Variants in FAM117A observed in about 807,000 individuals in gnomAD.
FAM117A encodes family with sequence similarity 117 member A.
A neutral mutation model predicts 44.1 loss-of-function variants in FAM117A; 21 were observed. The observed-to-expected ratio is 0.48, with a 90% CI of 0.34 to 0.69. FAM117A has a LOEUF of 0.69. Among genes scored for constraint, FAM117A ranks in the 30% least tolerant of loss-of-function variants. The pLI, the probability that FAM117A is intolerant of heterozygous loss-of-function variation, is 0.01. For synonymous variants in FAM117A, 220 were observed against 238.3 expected, an observed-to-expected ratio of 0.92 and a Z score of 0.71; for missense variants, 498 against 589.9, an observed-to-expected ratio of 0.84 and a Z score of 1.61.
chr17:49,721,095 C>A (rs1258618358), intron 3 of FAM117A, among the ~76,000 whole-genome samples: 1 of 152,158 alleles, frequency 6.6e-6, no homozygotes, highest in Non-Finnish European at 1.5e-5. Context: ...ATCTTAGAGG[C>A]CCTGAGACCA....
At chr17:49,751,495 G>A (rs1023980282) in intron 1 of FAM117A, among the ~76,000 whole-genome samples, 4 of 151,862 alleles carry the variant, frequency 2.6e-5, no homozygotes, top group Admixed American at 1.3e-4. Flanking sequence ...CAGGAGAATC[G>A]CTTGAACCAG....
chr17:49,758,146 T>C (rs754207629), intron 1 of FAM117A, among the ~76,000 whole-genome samples: 5 of 151,422 alleles, frequency 3.3e-5, no homozygotes, highest in Non-Finnish European at 7.4e-5. Context: ...CTGGCCAACA[T>C]GGTGAAACCC....
intron 5 of FAM117A, among the ~76,000 whole-genome samples, chr17:49,719,392 A>T (rs1184745785): frequency 6.6e-6 from 1 of 152,184 alleles, no homozygotes; most frequent in African/African-American, 2.4e-5. Context: ...GTAGAGATGG[A>T]GAAGGGGCAG....
At chr17:49,788,710 A>G, upstream of FAM117A, 1 of 1,023,510 alleles carries the variant, frequency 9.8e-7, no homozygotes. Context: ...GAGAGGCAGG[A>G]GGCACTAGGG....
chr17:49,729,325 T>C (rs2073574352), intron 2 of FAM117A, among the ~76,000 whole-genome samples: 2 of 151,878 alleles, frequency 1.3e-5, no homozygotes, highest in Non-Finnish European at 2.9e-5. Context: ...TGGCTCTTGG[T>C]GGAGGGAGGT....
At chr17:49,784,026 G>A (rs1397013285) in intron 1 of FAM117A, among the ~76,000 whole-genome samples, 2 of 152,246 alleles carry the variant, frequency 1.3e-5, no homozygotes, top group Non-Finnish European at 2.9e-5. Context: ...CCTTTTGGGT[G>A]CCAGTCAGCA....
rs1567825732 is a variant in FAM117A at position 49,717,628 on chromosome 17, G to A, written c.795C>T (p.Gly265=). The part of the protein sequence containing the change: ...CDHPLLLLEP[G]NLASSPSMSL... Reference sequence around the variant, plus strand: ...ACATGGAAGGAGAGCTGGCAAGGTTGCCAGGCTCCAGGAGGAGGAGGGGAT... The same window carrying A: ...ACATGGAAGGAGAGCTGGCAAGGTTACCAGGCTCCAGGAGGAGGAGGGGAT... The change falls in exon 6 of 8, where the codon GGC becomes GGT. Residue 265 remains glycine, a synonymous_variant. Transcript: ENST00000240364. The A allele has an allele frequency of 2.5e-6, 4 of 1,614,034 alleles. No individual in the cohort carries two copies. The highest frequency in any genetic ancestry group is 1.7e-5 in the Admixed American group (1 of 60,002).
chr17:49,742,033 A>G (rs937005764), intron 1 of FAM117A, among the ~76,000 whole-genome samples: 1 of 152,242 alleles, frequency 6.6e-6, no homozygotes, highest in African/African-American at 2.4e-5. Context: ...TTCAATAGCT[A>G]TCCTTAACAG....
intron 1 of FAM117A, among the ~76,000 whole-genome samples, chr17:49,762,941 A>AT (rs2073727754): frequency 6.6e-6 from 1 of 152,168 alleles, no homozygotes; most frequent in African/African-American, 2.4e-5. Flanking sequence ...TCAAGCTGTT[A>AT]TTAAGAACCC....
intron 1 of FAM117A, among the ~76,000 whole-genome samples, chr17:49,736,992 T>C (rs1359772710): frequency 6.6e-6 from 1 of 152,222 alleles, no homozygotes; most frequent in Non-Finnish European, 1.5e-5. Context: ...TTGAATAAAA[T>C]TGAAAAACCT....
At chr17:49,763,818 TCCCCCTCCCGCGGTCACGCGCC>T in intron 1 of FAM117A, 52 bp downstream of exon 1, 5 of 190,356 alleles carry the variant, frequency 2.6e-5, no homozygotes, top group East Asian at 1.5e-4. Flanking sequence ...CTTCTCCCCG[TCCCCCTCCCGCGGTCACGCGCC>T]CCCCCTCCCC....
chr17:49,776,053 T>C (rs1308408145), intron 1 of FAM117A, among the ~76,000 whole-genome samples: 2 of 152,046 alleles, frequency 1.3e-5, no homozygotes, highest in African/African-American at 2.4e-5. Context: ...CCTGTGGAGA[T>C]AGTAACATCA....
At chr17:49,788,661 C>T, upstream of FAM117A, 2 of 608,780 alleles carry the variant, frequency 3.3e-6, no homozygotes, top group East Asian at 3.4e-5. Flanking sequence ...GGAAAAAGCG[C>T]TTCAGCCCGC....
intron 1 of FAM117A, among the ~76,000 whole-genome samples, chr17:49,759,643 G>A (rs1006546161): frequency 1.3e-5 from 2 of 152,158 alleles, no homozygotes; most frequent in Non-Finnish European, 2.9e-5. Flanking sequence ...TTTGCTGAGG[G>A]CTTTCTCTTA....
At chr17:49,727,211 G>T (rs1014117095) in intron 2 of FAM117A, among the ~76,000 whole-genome samples, 3 of 151,994 alleles carry the variant, frequency 2.0e-5, no homozygotes, top group African/African-American at 7.3e-5. Flanking sequence ...TTCAAGACCA[G>T]CCTGGTCAAC....
intron 1 of FAM117A, among the ~76,000 whole-genome samples, chr17:49,780,973 G>T (rs73335292): frequency 0.023 from 3,575 of 152,250 alleles, 138 homozygotes; most frequent in African/African-American, 0.081. Flanking sequence ...TGAGATTATA[G>T]GTGCCCACCA....
chr17:49,755,200 T>A (rs2073694140), intron 1 of FAM117A, among the ~76,000 whole-genome samples: 1 of 152,044 alleles, frequency 6.6e-6, no homozygotes, highest in Non-Finnish European at 1.5e-5. Context: ...TATCTGGTGG[T>A]TGGTGGGAGA....
intron 1 of FAM117A, among the ~76,000 whole-genome samples, chr17:49,762,976 G>A (rs1327244995): frequency 3.9e-5 from 6 of 152,172 alleles, no homozygotes; most frequent in African/African-American, 4.8e-5. Context: ...CAGAAAGTGG[G>A]GTACTTGCCA....
Position 49,717,523 on chromosome 17 carries a change from G to T in FAM117A, c.900C>A (p.Pro300=). The change falls in exon 6 of 8, where the codon CCC becomes CCA. Residue 300 remains proline, a synonymous_variant. Transcript: ENST00000240364. ...GCCTTCGCGGCTTACCTTTGTCGTT[G>T]GGGGTGGATGCCAGCTCCTCGGCGG... is the stretch of plus-strand genomic sequence containing the variant. ...RGAAEELAST[P]NDKASSPGHP... is the part of the protein sequence containing the mutation. 3.7e-6 allele frequency: 6 copies of T among 1,613,878 alleles called. No individual in the cohort carries two copies. In the South Asian group the frequency reaches 6.6e-5, roughly 18 times the overall value.
Sources: allele counts gnomAD v4.1 joint callset (sites outside exome capture counted in the v4.1 genomes callset), GRCh38; gene constraint gnomAD v4.1.1; transcripts MANE v1.5; gene names NCBI Gene and HGNC (gene_info 2026-07-23, HGNC 2026-07-21).